Variants in COL23A1 observed in about 807,000 individuals in gnomAD.
The protein encoded by COL23A1 is collagen alpha-1(XXIII) chain.
Under a neutral mutation model 99.3 loss-of-function variants are expected in COL23A1, and 97 were observed. The ratio of observed to expected loss-of-function variants is 0.98; its 90% confidence interval spans 0.83 to 1.16. The LOEUF (loss-of-function observed/expected upper bound fraction) is 1.16, where lower values mean the gene tolerates loss of function less well. Among genes scored for constraint, COL23A1 ranks in the 50% most tolerant of loss-of-function variants. COL23A1 has a pLI of 0.00. For synonymous variants in COL23A1, 320 were observed against 308.2 expected (o/e 1.04, Z -0.40); for missense variants, 762 against 757.4 (o/e 1.01, Z -0.07).
At chr5:178,287,921 G>C (rs1757243610) in intron 5 of COL23A1, among the ~76,000 whole-genome samples, 1 of 152,222 alleles carries the variant, frequency 6.6e-6, no homozygotes, top group African/African-American at 2.4e-5. Context: ...CAGCCAAACT[G>C]GAACCAGCCA....
At chr5:178,585,034 G>C (rs927955873) in intron 1 of COL23A1, among the ~76,000 whole-genome samples, 6 of 152,218 alleles carry the variant, frequency 3.9e-5, no homozygotes, top group Non-Finnish European at 8.8e-5. Flanking sequence ...CAACGGGACT[G>C]TGCCAGAGAC....
Position 178,284,388 on chromosome 5 carries a change from T to G in COL23A1, c.441+3936A>C, listed in dbSNP as rs541563897. ...TATGTATATATTTTAAAACTTATAT[T>G]GGCATAGCTTTAAAAGTGTAATACC... On this transcript the variant is annotated intron_variant, in intron 5 of 28. Coordinates refer to ENST00000390654, the MANE Select transcript of COL23A1 (RefSeq NM_173465.4). Among the ~76,000 whole-genome samples the G allele has an allele frequency of 5.4e-4, 82 of 152,358 alleles. 1 individual carries two copies. Among genetic ancestry groups the G allele is most frequent in the African/African-American group, 1.9e-3 (79 of 41,584 alleles).
At chr5:178,319,195 G>A (rs977913382) in intron 2 of COL23A1, among the ~76,000 whole-genome samples, 2 of 152,158 alleles carry the variant, frequency 1.3e-5, no homozygotes, top group Non-Finnish European at 2.9e-5. Context: ...GCGCAAGTAA[G>A]CTTTGCCCCA....
At chr5:178,247,585 C>T in intron 21 of COL23A1, 33 bp from the exon 22 acceptor site, 1 of 1,613,622 alleles carries the variant, frequency 6.2e-7, no homozygotes, top group Non-Finnish European at 8.5e-7. Flanking sequence ...AGAAGGCTGG[C>T]TCCGGACCCT....
rs1005979643 is a variant in COL23A1, at chr5:178,242,045, G to A, written c.1578C>T (p.Pro526=). ...PGPPGLDQPC[P]VGPDGLPVPG... is the part of the protein sequence containing the mutation. ...AGGGCCCTCCTCCGACACCTACCAC[G>A]GGACACGGCTGGTCCAGGCCTGGTG... The change falls in exon 27 of 29, where the codon CCC becomes CCT. Residue 526 remains proline (P), a synonymous_variant. Coordinates refer to ENST00000390654, the MANE Select transcript of COL23A1 (RefSeq NM_173465.4). 15 of 1,553,778 alleles carry A rather than the reference G, an allele frequency of 9.7e-6. No individual in the cohort carries two copies. Among genetic ancestry groups the A allele is most frequent in the African/African-American group, 8.2e-5 (6 of 73,238 alleles).
rs1266713111 is a variant in COL23A1, at chr5:178,340,709, G to C, written c.362-33790C>G. Among the ~76,000 whole-genome samples, 1 of 152,206 alleles carries C rather than the reference G, an allele frequency of 6.6e-6. No homozygotes were observed. The highest frequency in any genetic ancestry group is 2.4e-5 in the African/African-American group (1 of 41,470). ...TGGACACCGGGGATTCTAGTCCTCG[G>C]CCCTCCCAGGGGCAGTGAGGGAGTC... On this transcript the variant is annotated intron_variant, in intron 2 of 28. Transcript: ENST00000390654. The surrounding 1 kb of genome is among the most constrained non-coding windows in gnomAD (Gnocchi z 4.7).
In COL23A1 at chr5:178,309,670, G is replaced by A. The variant is rs965284150; in HGVS notation, c.362-2751C>T. On this transcript the variant is annotated intron_variant, in intron 2 of 28. Transcript: ENST00000390654. The surrounding 1 kb of genome is among the most constrained non-coding windows in gnomAD (Gnocchi z 4.7). ...TGCCTCCCTTGTTACTTACCTGCAG[G>A]TCCCAGCAGCACCCAAGCAGTCAAG... Among the ~76,000 whole-genome samples, 12 of 150,968 alleles carry A rather than the reference G, an allele frequency of 7.9e-5. No individual in the cohort carries two copies. The highest frequency in any genetic ancestry group is 2.6e-4 in the Admixed American group (4 of 15,110).
At chr5:178,374,549 C>T (rs1225132680) in intron 2 of COL23A1, among the ~76,000 whole-genome samples, 1 of 152,204 alleles carries the variant, frequency 6.6e-6, no homozygotes, top group Non-Finnish European at 1.5e-5. Context: ...CTTCTCTGTG[C>T]CTCAGTTTCC....
intron 2 of COL23A1, among the ~76,000 whole-genome samples, chr5:178,391,951 C>T (rs944984927): frequency 2.0e-5 from 3 of 152,140 alleles, no homozygotes; most frequent in East Asian, 1.9e-4. Flanking sequence ...GAAAACATTA[C>T]GCTAAGTGAA....
chr5:178,525,057 G>A (rs1347500342), intron 2 of COL23A1, among the ~76,000 whole-genome samples: 1 of 151,058 alleles, frequency 6.6e-6, no homozygotes, highest in Non-Finnish European at 1.5e-5. Flanking sequence ...TGGCGACACA[G>A]CGCGCAGACC....
rs1203047064 is a variant in COL23A1, at chr5:178,340,812, C to T, written c.362-33893G>A. On this transcript the variant is annotated intron_variant, in intron 2 of 28. Coordinates refer to ENST00000390654, the MANE Select transcript of COL23A1 (RefSeq NM_173465.4). This position sits in a 1 kb window ranked among gnomAD's most constrained non-coding sequence, Gnocchi z 4.7. ...TTTCTTACATGGTGCTCCCACTTTC[C>T]ATCCAGAAAGCCATGCTGTTGCTCT... 6.6e-6 allele frequency among the ~76,000 whole-genome samples: 1 copy of T among 152,226 alleles called. No homozygotes were observed. The highest frequency in any genetic ancestry group is 1.5e-5 in the Non-Finnish European group (1 of 68,040).
At chr5:178,491,772 T>A (rs1757947478) in intron 2 of COL23A1, among the ~76,000 whole-genome samples, 1 of 152,190 alleles carries the variant, frequency 6.6e-6, no homozygotes, top group South Asian at 2.1e-4. Flanking sequence ...TCTCACTCTG[T>A]CACCCAGGCT....
chr5:178,476,655 C>T (rs1757045783), intron 2 of COL23A1, among the ~76,000 whole-genome samples: 1 of 152,224 alleles, frequency 6.6e-6, no homozygotes, highest in Non-Finnish European at 1.5e-5. Context: ...GGCGCTGTAA[C>T]CAGCAGCATT....
At chr5:178,536,854 T>G (rs1760992861) in intron 2 of COL23A1, among the ~76,000 whole-genome samples, 1 of 152,070 alleles carries the variant, frequency 6.6e-6, no homozygotes, top group Admixed American at 6.5e-5. Context: ...GATGTGAGCT[T>G]TTGGCAGCCA....
chr5:178,496,837 G>A (rs986989973), intron 2 of COL23A1, among the ~76,000 whole-genome samples: 2 of 152,176 alleles, frequency 1.3e-5, no homozygotes, highest in Non-Finnish European at 2.9e-5. Flanking sequence ...GCAAAACAAA[G>A]CTTTTCCTGG....
chr5:178,386,296 A>G (rs2973734), intron 2 of COL23A1, among the ~76,000 whole-genome samples: 3,222 of 152,158 alleles, frequency 0.021, 100 homozygotes, highest in African/African-American at 0.073. Flanking sequence ...AAAATTAGCC[A>G]GGCATGGAAG....
At chr5:178,549,275 T>C (rs1324477056) in intron 2 of COL23A1, among the ~76,000 whole-genome samples, 1 of 151,314 alleles carries the variant, frequency 6.6e-6, no homozygotes, top group Non-Finnish European at 1.5e-5. Flanking sequence ...ATTACAGGCA[T>C]GAGCCACCAT....
intron 2 of COL23A1, among the ~76,000 whole-genome samples, chr5:178,480,915 G>A (rs1007901417): frequency 3.3e-5 from 5 of 152,082 alleles, no homozygotes; most frequent in Admixed American, 3.3e-4. Flanking sequence ...GGAGGCTGAG[G>A]TGGGAGGATC....
chr5:178,327,978 C>T (rs542536820), intron 2 of COL23A1, among the ~76,000 whole-genome samples: 57 of 152,338 alleles, frequency 3.7e-4, no homozygotes, highest in Non-Finnish European at 7.8e-4. Flanking sequence ...GAAGGACTGA[C>T]AACGAGGACC....
Sources: allele counts gnomAD v4.1 joint callset (sites outside exome capture counted in the v4.1 genomes callset), GRCh38; gene constraint gnomAD v4.1.1; non-coding constraint Gnocchi (gnomAD v3.1); transcripts MANE v1.5; gene names NCBI Gene and HGNC (gene_info 2026-07-23, HGNC 2026-07-21).